DRC11: variants seen among roughly 807,000 people sequenced by gnomAD.
The protein encoded by DRC11 is IQ and AAA domain-containing protein 1.
chr2:236,336,135 G>A, the DRC11 span, among the ~76,000 whole-genome samples: 3 of 152,132 alleles, frequency 2.0e-5, no homozygotes, highest in Admixed American at 1.3e-4. The surrounding 1 kb of genome is among the most constrained non-coding windows in gnomAD (Gnocchi z 7.3). Flanking sequence ...GGCCTAAAGT[G>A]TTCCTGTATT....
the DRC11 span, chr2:236,368,281 T>G: frequency 2.5e-6 from 4 of 1,601,664 alleles, no homozygotes; most frequent in East Asian, 9.0e-5. Context: ...CGAAGAGTAG[T>G]CCCCAGGTAG....
At chr2:236,457,661 C>G in the DRC11 span, among the ~76,000 whole-genome samples, 8 of 152,112 alleles carry the variant, frequency 5.3e-5, no homozygotes, top group Non-Finnish European at 7.4e-5. The surrounding 1 kb of genome is among the most constrained non-coding windows in gnomAD (Gnocchi z 4.7). Context: ...AAATGCAGTC[C>G]TAAGTGTCCT....
At chr2:236,440,811 G>A in the DRC11 span, among the ~76,000 whole-genome samples, 2 of 151,894 alleles carry the variant, frequency 1.3e-5, no homozygotes, top group Admixed American at 6.6e-5. Flanking sequence ...CTAAGAAAAC[G>A]ACCTTCACAC....
At chr2:236,435,293 C>T in the DRC11 span, among the ~76,000 whole-genome samples, 1 of 152,242 alleles carries the variant, frequency 6.6e-6, no homozygotes, top group African/African-American at 2.4e-5. Flanking sequence ...ACAAGGCAGA[C>T]GTGAACAGCA....
chr2:236,353,966 C>A, the DRC11 span, among the ~76,000 whole-genome samples: 1 of 152,146 alleles, frequency 6.6e-6, no homozygotes, highest in Admixed American at 6.5e-5. The surrounding 1 kb of genome is among the most constrained non-coding windows in gnomAD (Gnocchi z 5.0). Flanking sequence ...CCTTGTAATA[C>A]CTTTTATGTA....
the DRC11 span, among the ~76,000 whole-genome samples, chr2:236,323,460 G>A: frequency 1.3e-5 from 2 of 152,224 alleles, no homozygotes; most frequent in African/African-American, 2.4e-5. This position sits in a 1 kb window ranked among gnomAD's most constrained non-coding sequence, Gnocchi z 6.4. Context: ...GGATGACTTC[G>A]TGGGGAGTGC....
the DRC11 span, among the ~76,000 whole-genome samples, chr2:236,436,059 C>A: frequency 1.3e-5 from 2 of 152,132 alleles, no homozygotes; most frequent in South Asian, 4.1e-4. Flanking sequence ...ACATGCACAC[C>A]AACTCCAGTC....
chr2:236,391,986 T>A, the DRC11 span: 1 of 1,613,864 alleles, frequency 6.2e-7, no homozygotes, highest in Admixed American at 1.7e-5. This position sits in a 1 kb window ranked among gnomAD's most constrained non-coding sequence, Gnocchi z 4.5. Context: ...CTTGTCCTTT[T>A]TCTTTCCTGC....
At chr2:236,354,275 GTA>G in the DRC11 span, among the ~76,000 whole-genome samples, 655 of 55,308 alleles carry the variant, frequency 0.012, 6 homozygotes, top group African/African-American at 0.059. Context: ...GCGTGTGTGT[GTA>G]TGAGTTTATG....
At chr2:236,375,530 A>C in the DRC11 span, among the ~76,000 whole-genome samples, 1 of 152,186 alleles carries the variant, frequency 6.6e-6, no homozygotes, top group Admixed American at 6.5e-5. The surrounding 1 kb of genome is among the most constrained non-coding windows in gnomAD (Gnocchi z 4.2). Context: ...AAATAAATAG[A>C]AACCCAAAAC....
chr2:236,474,748 A>G, the DRC11 span, among the ~76,000 whole-genome samples: 1 of 152,160 alleles, frequency 6.6e-6, no homozygotes, highest in Non-Finnish European at 1.5e-5. Flanking sequence ...TACACCAAAC[A>G]ATCTGGAGAT....
At chr2:236,448,524 C>T in the DRC11 span, among the ~76,000 whole-genome samples, 3 of 151,900 alleles carry the variant, frequency 2.0e-5, no homozygotes, top group Non-Finnish European at 2.9e-5. This position sits in a 1 kb window ranked among gnomAD's most constrained non-coding sequence, Gnocchi z 5.3. Context: ...TTAGTAGATA[C>T]GGGGTCTCAC....
the DRC11 span, among the ~76,000 whole-genome samples, chr2:236,354,536 G>A: frequency 2.0e-5 from 3 of 152,044 alleles, no homozygotes; most frequent in South Asian, 2.1e-4. Flanking sequence ...ATGAATTCTC[G>A]CCAGGTGGAA....
the DRC11 span, among the ~76,000 whole-genome samples, chr2:236,317,004 A>G: frequency 7.0e-6 from 1 of 143,050 alleles, no homozygotes; most frequent in Non-Finnish European, 1.5e-5. This position sits in a 1 kb window ranked among gnomAD's most constrained non-coding sequence, Gnocchi z 5.4. Context: ...AGAAAAAATC[A>G]TAGGCGCTCA....
chr2:236,478,005 T>TTGTGTGTGTGTGTG, the DRC11 span, among the ~76,000 whole-genome samples: 44 of 146,896 alleles, frequency 3.0e-4, no homozygotes, highest in African/African-American at 1.1e-3. The surrounding 1 kb of genome is among the most constrained non-coding windows in gnomAD (Gnocchi z 5.9). Context: ...TTTTGTTGAT[T>TTGTGTGTGTGTGTG]TGTGTGTGTG....
chr2:236,397,943 T>C, the DRC11 span, among the ~76,000 whole-genome samples: 3 of 152,244 alleles, frequency 2.0e-5, no homozygotes, highest in Non-Finnish European at 4.4e-5. This position sits in a 1 kb window ranked among gnomAD's most constrained non-coding sequence, Gnocchi z 5.0. Flanking sequence ...CTGGAAATGC[T>C]GAATGTTTGT....
At chr2:236,459,303 A>T in the DRC11 span, among the ~76,000 whole-genome samples, 1 of 152,022 alleles carries the variant, frequency 6.6e-6, no homozygotes, top group African/African-American at 2.4e-5. Flanking sequence ...TCTTTTATCA[A>T]TTTGGTAAAA....
At chr2:236,416,621 A>T in the DRC11 span, among the ~76,000 whole-genome samples, 2 of 150,580 alleles carry the variant, frequency 1.3e-5, no homozygotes, top group South Asian at 4.2e-4. Flanking sequence ...GGAGCCGAGC[A>T]TGTGAAAGGA....
At chr2:236,371,385 A>C in the DRC11 span, among the ~76,000 whole-genome samples, 2 of 152,248 alleles carry the variant, frequency 1.3e-5, no homozygotes, top group Admixed American at 6.5e-5. The surrounding 1 kb of genome is among the most constrained non-coding windows in gnomAD (Gnocchi z 5.1). Flanking sequence ...TCATCTCGTT[A>C]ATGCTCTTCT....
Sources: gnomAD v4.1 joint callset for allele counts (sites outside exome capture counted in the v4.1 genomes callset) on GRCh38, gnomAD v4.1.1 for gene constraint, Gnocchi (gnomAD v3.1) non-coding constraint, MANE v1.5 for transcripts, NCBI Gene and HGNC (gene_info 2026-07-23, HGNC 2026-07-21) for gene names.